Variants in DMD observed in about 807,000 individuals in gnomAD.
DMD encodes mutant dystrophin.
In DMD, 63 loss-of-function variants were observed where a neutral mutation model predicts 330.1. The observed-to-expected ratio is 0.19, with a 90% CI of 0.16 to 0.24. The LOEUF (loss-of-function observed/expected upper bound fraction) is 0.24, where lower values mean the gene tolerates loss of function less well. DMD is among the 10% of genes least tolerant of loss of function. The pLI is 1.00. For synonymous variants in DMD, 1,223 were observed against 959.8 expected (o/e 1.27, Z -5.07); for missense variants, 3,344 against 2,684.1 (o/e 1.25, Z -5.43).
chrX:33,269,361 C>G (rs1473282582), intron 1 of DMD, among the ~76,000 whole-genome samples: 2 of 110,767 alleles, frequency 1.8e-5, no homozygotes, highest in African/African-American at 6.6e-5. Flanking sequence ...GCCACATGCT[C>G]TCACTTATAA....
chrX:31,284,557 T>TTTCTTCTTCTTCTTTTCTTCTTCTTCTTC (rs2052896374), intron 62 of DMD, among the ~76,000 whole-genome samples: 2 of 78,066 alleles, frequency 2.6e-5, no homozygotes, highest in African/African-American at 1.0e-4. Context: ...TAACGAACTG[T>TTTCTTCTTCTTCTTTTCTTCTTCTTCTTC]TTCTTCTTCT....
chrX:33,016,893 C>T (rs1000854133), intron 2 of DMD, among the ~76,000 whole-genome samples: 21 of 111,508 alleles, frequency 1.9e-4, no homozygotes, highest in African/African-American at 6.8e-4. Flanking sequence ...TTTTATAATG[C>T]GAATCATATT....
chrX:32,468,394 G>A, intron 23 of DMD, 104 bp downstream of exon 23: 1 of 715,003 alleles, frequency 1.4e-6, no homozygotes, highest in Middle Eastern at 4.7e-4. Flanking sequence ...AACTTTGAAA[G>A]ATGCTGAAGG....
chrX:33,333,325 A>C (rs1211917053), intron 1 of DMD, among the ~76,000 whole-genome samples: 1 of 109,309 alleles, frequency 9.1e-6, no homozygotes, highest in Non-Finnish European at 1.9e-5. Context: ...TACACAAAAA[A>C]AGCTCCCCCA....
chrX:33,113,751 T>A (rs1261317587), intron 1 of DMD, among the ~76,000 whole-genome samples: 4 of 111,813 alleles, frequency 3.6e-5, no homozygotes, highest in African/African-American at 1.3e-4. Context: ...ACAGGAGTGA[T>A]TCATGGACTT....
intron 29 of DMD, among the ~76,000 whole-genome samples, chrX:32,436,868 C>G (rs1424219580): frequency 9.1e-6 from 1 of 109,889 alleles, no homozygotes; most frequent in African/African-American, 3.3e-5. Flanking sequence ...GGGAAGATCA[C>G]CTGAGCCCAG....
intron 63 of DMD, among the ~76,000 whole-genome samples, chrX:31,248,247 G>GACTT (rs1002244642): frequency 3.6e-5 from 4 of 112,517 alleles, no homozygotes; most frequent in African/African-American, 9.7e-5. Context: ...ACACTTGTGT[G>GACTT]ACTTACTTTA....
At chrX:32,112,880 C>T (rs1193572839) in intron 44 of DMD, among the ~76,000 whole-genome samples, 1 of 111,774 alleles carries the variant, frequency 8.9e-6, no homozygotes, top group African/African-American at 3.3e-5. Context: ...AAGTAGATAT[C>T]TGGAATCCCG....
At chrX:32,515,942 T>A (rs912282240) in intron 18 of DMD, among the ~76,000 whole-genome samples, 1 of 111,779 alleles carries the variant, frequency 8.9e-6, no homozygotes, top group Non-Finnish European at 1.9e-5. Context: ...GAAAAAATTA[T>A]GCTTAGGTTT....
At chrX:32,958,809 C>A (rs187658359) in intron 2 of DMD, among the ~76,000 whole-genome samples, 2 of 110,885 alleles carry the variant, frequency 1.8e-5, no homozygotes, top group African/African-American at 6.5e-5. Flanking sequence ...ACATGTTACC[C>A]AGATAAACTA....
chrX:31,599,689 C>T (rs1666879512), intron 55 of DMD, among the ~76,000 whole-genome samples: 2 of 112,135 alleles, frequency 1.8e-5, no homozygotes, highest in South Asian at 7.5e-4. Context: ...TACAGAATCA[C>T]TCAAGAAGCT....
chrX:31,757,600 C>T (rs1207082223), intron 51 of DMD, among the ~76,000 whole-genome samples: 4 of 111,264 alleles, frequency 3.6e-5, no homozygotes, highest in South Asian at 3.8e-4. Flanking sequence ...ATGGCATCTT[C>T]GGTGTGTCCT....
At chrX:32,214,207 GA>G (rs1387018244) in intron 44 of DMD, among the ~76,000 whole-genome samples, 2 of 84,226 alleles carry the variant, frequency 2.4e-5, no homozygotes, top group Admixed American at 3.0e-4. Context: ...TCTCCTGCCT[GA>G]AACACCTGAA....
chrX:31,503,963 C>T (rs767527847), intron 56 of DMD, among the ~76,000 whole-genome samples: 1 of 110,923 alleles, frequency 9.0e-6, no homozygotes, highest in Non-Finnish European at 1.9e-5. Flanking sequence ...TTAAATATAA[C>T]TTCATTAGAG....
At chrX:33,007,664 T>G (rs2093423016) in intron 2 of DMD, among the ~76,000 whole-genome samples, 1 of 111,405 alleles carries the variant, frequency 9.0e-6, no homozygotes, top group Non-Finnish European at 1.9e-5. Context: ...GGCCTTATGA[T>G]TAAAGGGACT....
At chrX:32,745,809 A>G (rs2069919232) in intron 7 of DMD, among the ~76,000 whole-genome samples, 1 of 112,430 alleles carries the variant, frequency 8.9e-6, no homozygotes. Flanking sequence ...CGATTTGTAT[A>G]AGTAATGTAG....
chrX:33,123,664 C>T (rs757760458), intron 1 of DMD, among the ~76,000 whole-genome samples: 2 of 108,011 alleles, frequency 1.9e-5, no homozygotes, highest in African/African-American at 6.7e-5. Context: ...GTGATCTGTA[C>T]ACCTCAGCCT....
chrX:32,966,257 G>A (rs760232694), intron 2 of DMD, among the ~76,000 whole-genome samples: 5 of 111,791 alleles, frequency 4.5e-5, no homozygotes, highest in Non-Finnish European at 9.4e-5. Context: ...CATCAAATAT[G>A]AGGAGCTGCA....
At chrX:31,148,009 T>C (rs2147942296) in intron 74 of DMD, among the ~76,000 whole-genome samples, 1 of 111,529 alleles carries the variant, frequency 9.0e-6, no homozygotes, top group South Asian at 3.8e-4. Context: ...TGCCATATTT[T>C]CTTCAAAAGT....
Sources: allele counts gnomAD v4.1 joint callset (sites outside exome capture counted in the v4.1 genomes callset), GRCh38; gene constraint gnomAD v4.1.1; transcripts MANE v1.5; gene names NCBI Gene and HGNC (gene_info 2026-07-23, HGNC 2026-07-21).